Variants in CDH12 observed in about 807,000 individuals in gnomAD.
The protein encoded by CDH12 is cadherin-12.
A neutral mutation model predicts 74.1 loss-of-function variants in CDH12; 41 were observed. That is an observed-to-expected ratio of 0.55 (90% CI 0.43 to 0.72). The LOEUF (loss-of-function observed/expected upper bound fraction) is 0.72, where lower values mean the gene tolerates loss of function less well. Among genes scored for constraint, CDH12 ranks in the 30% least tolerant of loss-of-function variants. The probability of loss-of-function intolerance (pLI) is 0.00; values close to 1 mark genes in which losing one functional copy is unlikely to be tolerated. For synonymous variants in CDH12, 399 were observed against 355.0 expected (o/e 1.12, Z -1.39); for missense variants, 945 against 977.2 (o/e 0.97, Z 0.44).
In CDH12 at chr5:22,549,228, C is replaced by T. The variant is rs113808168; in HGVS notation, c.-522-43864G>A. On this transcript the variant is annotated intron_variant, in intron 1 of 14. Transcript: ENST00000382254. ...CCTTAAGCAATCCTCCCGCCTAGGA[C>T]TCCCAAAGTGCTGAGATTATAGACC... Among the ~76,000 whole-genome samples the T allele has an allele frequency of 8.1e-3, 1,231 of 152,028 alleles. 19 individuals are homozygous for T. The highest frequency in any genetic ancestry group is 0.028 in the African/African-American group (1,147 of 41,480).
chr5:22,654,712 TG>T (rs1419760476), intron 1 of CDH12, among the ~76,000 whole-genome samples: 1 of 151,668 alleles, frequency 6.6e-6, no homozygotes, highest in Non-Finnish European at 1.5e-5. Context: ...CTCGGCTCAC[TG>T]CAACCCCTGC....
At chr5:22,265,186 A>G (rs1179219262) in intron 3 of CDH12, among the ~76,000 whole-genome samples, 1 of 152,168 alleles carries the variant, frequency 6.6e-6, no homozygotes, top group Non-Finnish European at 1.5e-5. Context: ...TGGGGTACCC[A>G]TTATGTATAA....
rs1746672297 is a variant in CDH12, at chr5:22,139,571, T to G, written c.-186-60709A>C. 2 of 144,254 alleles carry G rather than the reference T, an allele frequency of 1.4e-5. 1 individual carries two copies. The highest frequency in any genetic ancestry group is 5.2e-5 in the African/African-American group (2 of 38,258). 8.9% of individuals were successfully genotyped at this position (144,254 alleles called of 1,614,324 possible). A position where few individuals can be genotyped will look rare whatever the true frequency, so the allele number is the denominator to read the frequency against. On this transcript the variant is annotated intron_variant, in intron 4 of 14. Transcript: ENST00000382254. ...GTTTATCTCAGGATTTTACTTGGCG[T>G]GCAATTTCTCAATAGACGTATCCTT...
At chr5:22,386,112 A>C (rs1034698699) in intron 3 of CDH12, among the ~76,000 whole-genome samples, 1 of 152,054 alleles carries the variant, frequency 6.6e-6, no homozygotes. Context: ...GACTGGTCTC[A>C]AACTCCCGAC....
intron 5 of CDH12, among the ~76,000 whole-genome samples, chr5:22,044,542 C>A (rs78886397): frequency 6.6e-6 from 1 of 152,132 alleles, no homozygotes. Flanking sequence ...GATCTAATCA[C>A]CCCCCATCAG....
At chr5:21,804,643 AACACACACACACACACACACAC>A (rs11281181) in intron 9 of CDH12, among the ~76,000 whole-genome samples, 5 of 115,366 alleles carry the variant, frequency 4.3e-5, no homozygotes, top group Middle Eastern at 4.3e-3. Context: ...AGTGAATTAA[AACACACACACACACACACACAC>A]ACACACACAC....
At chr5:22,746,670 A>G (rs1022884658) in intron 1 of CDH12, among the ~76,000 whole-genome samples, 24 of 152,220 alleles carry the variant, frequency 1.6e-4, no homozygotes, top group African/African-American at 4.3e-4. Flanking sequence ...ATTACATTTG[A>G]CCATTCTTAA....
At chr5:22,579,533 TA>T (rs1459830163) in intron 1 of CDH12, among the ~76,000 whole-genome samples, 1 of 152,174 alleles carries the variant, frequency 6.6e-6, no homozygotes, top group Non-Finnish European at 1.5e-5. Context: ...TCCATCCCTT[TA>T]TTTTTTTATA....
intron 1 of CDH12, among the ~76,000 whole-genome samples, chr5:22,582,836 A>G (rs537423891): frequency 4.6e-5 from 7 of 152,204 alleles, no homozygotes; most frequent in African/African-American, 1.7e-4. Flanking sequence ...GAATTTGTCA[A>G]ACTAGAGGCA....
intron 1 of CDH12, among the ~76,000 whole-genome samples, chr5:22,698,721 ATATATATATATATAGTGTGT>A (rs869248279): frequency 0.13 from 2,362 of 18,870 alleles, 404 homozygotes; most frequent in East Asian, 0.21. Context: ...ATATATATAT[ATATATATATATATAGTGTGT>A]GTGTGTGTGT....
chr5:22,158,407 A>T (rs1256394535), intron 4 of CDH12, among the ~76,000 whole-genome samples: 2 of 152,058 alleles, frequency 1.3e-5, no homozygotes, highest in Non-Finnish European at 2.9e-5. Flanking sequence ...TTGTCTTGTT[A>T]AGTGATGCAG....
At chr5:22,270,769 T>C (rs1736363015) in intron 3 of CDH12, among the ~76,000 whole-genome samples, 1 of 151,992 alleles carries the variant, frequency 6.6e-6, no homozygotes, top group Non-Finnish European at 1.5e-5. Context: ...CCTTCTGGTT[T>C]CAAGCGATTC....
At position 22,155,163 on chromosome 5, in the gene CDH12, C is replaced by T. The variant is rs575562133; in HGVS notation, c.-187+57335G>A. On this transcript the variant is annotated intron_variant, in intron 4 of 14. Transcript: ENST00000382254. ...CCTTCTGCTTTCAACTAGACAAACT[C>T]TCTGCTTATAGAAAGGCTCATGTGA... Among the ~76,000 whole-genome samples, 31 of 152,220 alleles carry T rather than the reference C, an allele frequency of 2.0e-4. No homozygotes were observed. The East Asian group carries it at 2.5e-3, about 12-fold the overall frequency.
chr5:21,753,098 C>G (rs1286357960), intron 14 of CDH12, among the ~76,000 whole-genome samples: 2 of 152,154 alleles, frequency 1.3e-5, no homozygotes, highest in Admixed American at 6.5e-5. Flanking sequence ...ATGACGACGT[C>G]AGTGCTCAGC....
At chr5:22,334,090 C>A (rs550222644) in intron 3 of CDH12, among the ~76,000 whole-genome samples, 1 of 152,156 alleles carries the variant, frequency 6.6e-6, no homozygotes, top group East Asian at 1.9e-4. Flanking sequence ...CCCACAGTCA[C>A]CACTGTTATT....
rs1485677871 is a variant in CDH12, at chr5:22,562,249, G to A, written c.-522-56885C>T. 3.3e-5 allele frequency among the ~76,000 whole-genome samples: 5 copies of A among 152,072 alleles called. No individual in the cohort carries two copies. In the South Asian group the frequency reaches 1.0e-3, roughly 32 times the overall value. On this transcript the variant is annotated intron_variant, in intron 1 of 14. Transcript: ENST00000382254. Reference sequence around the variant, plus strand: ...GGAGAATGGCGTGAACCCGGGAGGTGGAGCTGGCAGTGAGCCGAGATCCCG... The same window carrying A: ...GGAGAATGGCGTGAACCCGGGAGGTAGAGCTGGCAGTGAGCCGAGATCCCG...
intron 1 of CDH12, among the ~76,000 whole-genome samples, chr5:22,758,508 G>A (rs928101492): frequency 6.6e-6 from 1 of 151,024 alleles, no homozygotes; most frequent in Non-Finnish European, 1.5e-5. Flanking sequence ...CATTGTCTGT[G>A]TGTTCTCTAA....
At chr5:22,090,709 A>G (rs2150237414) in intron 4 of CDH12, among the ~76,000 whole-genome samples, 1 of 151,994 alleles carries the variant, frequency 6.6e-6, no homozygotes, top group South Asian at 2.1e-4. Context: ...CCAGCAAAAT[A>G]CGAAAGAGAT....
At chr5:22,384,525 C>CAAAAAAA (rs754149045) in intron 3 of CDH12, among the ~76,000 whole-genome samples, 1 of 68,744 alleles carries the variant, frequency 1.5e-5, no homozygotes, top group Non-Finnish European at 2.9e-5. Flanking sequence ...AACTCCGTCT[C>CAAAAAAA]AAAAAAAAAA....
Sources: allele counts gnomAD v4.1 joint callset (sites outside exome capture counted in the v4.1 genomes callset), GRCh38; gene constraint gnomAD v4.1.1; transcripts MANE v1.5; gene names NCBI Gene and HGNC (gene_info 2026-07-23, HGNC 2026-07-21).